Variants in FARS2 observed in about 807,000 individuals in gnomAD.
FARS2 encodes the protein phenylalanine--tRNA ligase, mitochondrial.
A neutral mutation model predicts 46.4 loss-of-function variants in FARS2; 40 were observed. That is an observed-to-expected ratio of 0.86 (90% CI 0.67 to 1.12). The LOEUF is 1.12. FARS2 is among the 50% of genes most tolerant of loss of function. FARS2 has a pLI of 0.00. For synonymous variants in FARS2, 234 were observed against 214.9 expected, an observed-to-expected ratio of 1.09 and a Z score of -0.78; for missense variants, 513 against 567.9, an observed-to-expected ratio of 0.90 and a Z score of 0.98.
intron 5 of FARS2, among the ~76,000 whole-genome samples, chr6:5,573,928 G>A (rs553616702): frequency 1.3e-5 from 2 of 152,246 alleles, no homozygotes; most frequent in East Asian, 1.9e-4. Context: ...CAGTTAAAGT[G>A]TATTTTCTAT....
chr6:5,404,669 T>C lies in FARS2; in HGVS notation c.740T>C (p.Leu247Pro). The change falls in exon 3 of 7, where the codon CTT becomes CCT. Residue 247 changes from leucine to proline, a missense_variant. By Grantham distance (98) the Leu-to-Pro change is moderately conservative. Transcript: ENST00000274680. ...GTAGAGTTTGATCTTAAGCAAACGCTTACCAGGCTCATGGCACATCTTTTT... is the reference window on the plus strand; with the variant it reads ...GTAGAGTTTGATCTTAAGCAAACGCCTACCAGGCTCATGGCACATCTTTTT... ...KLVEFDLKQTLTRLMAHLFGD... is the reference protein window; with the variant it reads ...KLVEFDLKQTPTRLMAHLFGD... The C allele has an allele frequency of 6.2e-7, 1 of 1,606,464 alleles. No homozygotes were observed. Among genetic ancestry groups the C allele is most frequent in the Non-Finnish European group, 8.5e-7 (1 of 1,175,924 alleles).
intron 6 of FARS2, among the ~76,000 whole-genome samples, chr6:5,757,998 T>A (rs988298801): frequency 5.9e-5 from 9 of 152,250 alleles, no homozygotes; most frequent in African/African-American, 2.2e-4. Context: ...TTCCATCAGT[T>A]TGTTATGTTA....
chr6:5,479,920 AAGG>A (rs138355393), intron 4 of FARS2, among the ~76,000 whole-genome samples: 1,617 of 152,298 alleles, frequency 0.011, 27 homozygotes, highest in African/African-American at 0.036. Context: ...TCCTCAGGAG[AAGG>A]AGAAGGGCAG....
At chr6:5,691,741 C>A (rs1189034400) in intron 6 of FARS2, among the ~76,000 whole-genome samples, 2 of 152,236 alleles carry the variant, frequency 1.3e-5, no homozygotes, top group African/African-American at 4.8e-5. Context: ...TTTAAGTCTG[C>A]AGAGGTTTCT....
chr6:5,698,970 G>A (rs1246389294), intron 6 of FARS2, among the ~76,000 whole-genome samples: 12 of 152,158 alleles, frequency 7.9e-5, no homozygotes, highest in Admixed American at 3.3e-4. Flanking sequence ...GCTAAGGGGC[G>A]GGCACAGGCA....
At chr6:5,585,703 T>TAA (rs1773575399) in intron 5 of FARS2, among the ~76,000 whole-genome samples, 1 of 151,802 alleles carries the variant, frequency 6.6e-6, no homozygotes, top group South Asian at 2.1e-4. Flanking sequence ...CCATTATATA[T>TAA]AATATTCAAA....
chr6:5,353,380 T>G (rs151240602), intron 1 of FARS2, among the ~76,000 whole-genome samples: 2 of 152,336 alleles, frequency 1.3e-5, no homozygotes, highest in African/African-American at 4.8e-5. Flanking sequence ...CAGATATATC[T>G]TTGACATACT....
At chr6:5,571,301 A>G (rs935008059) in intron 5 of FARS2, among the ~76,000 whole-genome samples, 7 of 152,256 alleles carry the variant, frequency 4.6e-5, no homozygotes, top group African/African-American at 1.4e-4. Context: ...AGCTTAATTC[A>G]TGCGTCTTCT....
chr6:5,445,461 T>C (rs1274224715), intron 4 of FARS2, among the ~76,000 whole-genome samples: 2 of 152,236 alleles, frequency 1.3e-5, no homozygotes, highest in Non-Finnish European at 2.9e-5. Context: ...GGAAGCAATG[T>C]CTTCATGAAA....
intron 4 of FARS2, among the ~76,000 whole-genome samples, chr6:5,534,225 T>C (rs963597185): frequency 6.7e-6 from 1 of 149,738 alleles, no homozygotes; most frequent in Non-Finnish European, 1.5e-5. Flanking sequence ...GAAAACTTTC[T>C]TCAAAATTTT....
At chr6:5,535,432 T>C (rs1770133234) in intron 4 of FARS2, among the ~76,000 whole-genome samples, 1 of 152,248 alleles carries the variant, frequency 6.6e-6, no homozygotes, top group Non-Finnish European at 1.5e-5. Context: ...TTTCTACATA[T>C]AAAATTATGT....
chr6:5,547,991 A>G (rs1771138276), intron 5 of FARS2, among the ~76,000 whole-genome samples: 1 of 152,354 alleles, frequency 6.6e-6, no homozygotes, highest in South Asian at 2.1e-4. Context: ...GTTTAATTGG[A>G]CGTACAGTTC....
intron 6 of FARS2, among the ~76,000 whole-genome samples, chr6:5,761,808 TAA>T (rs79057006): frequency 1.5e-3 from 164 of 105,876 alleles, no homozygotes; most frequent in African/African-American, 3.7e-3. Flanking sequence ...GTGGAGGATC[TAA>T]AAAAAAAAAA....
intron 6 of FARS2, among the ~76,000 whole-genome samples, chr6:5,648,804 C>G (rs1198286715): frequency 6.6e-6 from 1 of 152,076 alleles, no homozygotes; most frequent in Non-Finnish European, 1.5e-5. Context: ...CGTATTAGCA[C>G]ATTTGGTGCC....
At chr6:5,333,725 T>G (rs1770957870) in intron 1 of FARS2, among the ~76,000 whole-genome samples, 3 of 152,202 alleles carry the variant, frequency 2.0e-5, no homozygotes, top group South Asian at 4.1e-4. Flanking sequence ...GATTCTCTTG[T>G]TTGACTGGCC....
intron 6 of FARS2, among the ~76,000 whole-genome samples, chr6:5,694,687 A>G (rs1377203151): frequency 6.6e-6 from 1 of 152,120 alleles, no homozygotes; most frequent in African/African-American, 2.4e-5. Flanking sequence ...TTCTCATTTG[A>G]AAAAGGAGGA....
intron 2 of FARS2, among the ~76,000 whole-genome samples, chr6:5,388,388 A>C (rs1231878030): frequency 6.6e-6 from 1 of 152,228 alleles, no homozygotes; most frequent in Non-Finnish European, 1.5e-5. Context: ...GCAATTTGAC[A>C]CAAATCTTTT....
At chr6:5,660,558 G>A (rs1582692563) in intron 6 of FARS2, among the ~76,000 whole-genome samples, 1 of 152,036 alleles carries the variant, frequency 6.6e-6, no homozygotes, top group African/African-American at 2.4e-5. Context: ...TGAGGTGGGG[G>A]GATCCCCTGA....
At chr6:5,475,890 G>A (rs1027949750) in intron 4 of FARS2, among the ~76,000 whole-genome samples, 6 of 152,080 alleles carry the variant, frequency 3.9e-5, no homozygotes, top group Non-Finnish European at 5.9e-5. Context: ...CTCCCCTGAT[G>A]TTGTTTTCTC....
Sources: gnomAD v4.1 joint callset for allele counts (sites outside exome capture counted in the v4.1 genomes callset) on GRCh38, gnomAD v4.1.1 for gene constraint, MANE v1.5 for transcripts, NCBI Gene and HGNC (gene_info 2026-07-23, HGNC 2026-07-21) for gene names.